Variants in ABCA13 observed in about 807,000 individuals in gnomAD.
ABCA13 encodes the protein ATP binding cassette subfamily A member 13, also known as ATP-binding cassette sub-family A member 13.
Under a neutral mutation model 478.7 loss-of-function variants are expected in ABCA13, and 476 were observed. The observed-to-expected ratio is 0.99, with a 90% CI of 0.92 to 1.07. The LOEUF is 1.07. Ranked by LOEUF, ABCA13 falls within the 50% of genes least tolerant of loss-of-function variation. The pLI, the probability that ABCA13 is intolerant of heterozygous loss-of-function variation, is 0.00. For synonymous variants in ABCA13, 2,252 were observed against 2,158.9 expected (o/e 1.04, Z -1.20); for missense variants, 6,060 against 5,910.6 (o/e 1.03, Z -0.83).
At chr7:48,396,514 AGAT>A (rs1352987092) in intron 38 of ABCA13, among the ~76,000 whole-genome samples, 1 of 152,186 alleles carries the variant, frequency 6.6e-6, no homozygotes, top group African/African-American at 2.4e-5. Context: ...TAGGACTCTC[AGAT>A]GCAAAGTGCC....
intron 47 of ABCA13, among the ~76,000 whole-genome samples, chr7:48,485,801 G>A (rs1829240737): frequency 6.6e-6 from 1 of 152,140 alleles, no homozygotes; most frequent in African/African-American, 2.4e-5. Context: ...ACTATCTGTG[G>A]GGAATTTGGG....
intron 38 of ABCA13, among the ~76,000 whole-genome samples, chr7:48,398,909 AG>A (rs1817221520): frequency 6.6e-6 from 1 of 152,176 alleles, no homozygotes; most frequent in Non-Finnish European, 1.5e-5. Flanking sequence ...CAAAGGTGGA[AG>A]ACAAGGAAGT....
chr7:48,319,641 T>C (rs1477529584), intron 27 of ABCA13, among the ~76,000 whole-genome samples: 1 of 152,184 alleles, frequency 6.6e-6, no homozygotes, highest in Non-Finnish European at 1.5e-5. Context: ...AAAAAATCTA[T>C]AAAAGTTGGT....
chr7:48,535,400 C>T (rs886434482), intron 55 of ABCA13, among the ~76,000 whole-genome samples: 4 of 152,180 alleles, frequency 2.6e-5, no homozygotes, highest in Non-Finnish European at 5.9e-5. Flanking sequence ...AGCACCTGCT[C>T]AGGTGGAGGT....
At chr7:48,321,026 C>A (rs1803370768) in intron 27 of ABCA13, among the ~76,000 whole-genome samples, 1 of 152,178 alleles carries the variant, frequency 6.6e-6, no homozygotes, top group African/African-American at 2.4e-5. Context: ...CCATTGTTGC[C>A]TCTGGGGAGT....
rs764278641 is a variant in ABCA13 at position 48,392,044 on chromosome 7, G to T, written c.11778G>T (p.Leu3926=). The change falls in exon 38 of 62, where the codon CTG becomes CTT. Residue 3926 remains leucine, a synonymous_variant. Transcript: ENST00000435803. ...GTGTGTGTCCGCAGCAGGACATCCTGTTGGACAACCTCACCGTCCGGGAAC... is the reference window on the plus strand; with the variant it reads ...GTGTGTGTCCGCAGCAGGACATCCTTTTGGACAACCTCACCGTCCGGGAAC... ...ELGVCPQQDI[L]LDNLTVREHL... 6.2e-7 allele frequency: 1 copy of T among 1,613,998 alleles called. No individual in the cohort carries two copies.
chr7:48,413,486 T>C (rs1008006626), intron 41 of ABCA13, among the ~76,000 whole-genome samples: 32 of 152,160 alleles, frequency 2.1e-4, no homozygotes, highest in African/African-American at 7.5e-4. Context: ...ATGCCTTGTT[T>C]GGGGTTCTTG....
intron 39 of ABCA13, among the ~76,000 whole-genome samples, chr7:48,409,320 C>T (rs1336293787): frequency 6.6e-6 from 1 of 152,206 alleles, no homozygotes; most frequent in East Asian, 1.9e-4. Flanking sequence ...GGCCTCTGCT[C>T]TGCTAAAGCT....
In ABCA13 at chr7:48,646,254, T is replaced by G. The variant is rs2131712252; in HGVS notation, c.*742T>G. The G allele has an allele frequency of 6.6e-6, 1 of 152,340 alleles. No individual in the cohort carries two copies. Among genetic ancestry groups the G allele is most frequent in the African/African-American group, 2.4e-5 (1 of 41,592 alleles). The allele number at this position is 152,340 out of a possible 1,614,324, so 9.4% of individuals were successfully genotyped here. ...AATAAAATGTAGATGCATTTTCTTT[T>G]TCTTCATTTGGATGAATAATTACTG... On this transcript the variant is annotated 3_prime_UTR_variant, in exon 62 of 62. Transcript: ENST00000435803.
chr7:48,407,152 A>G (rs749712785), intron 39 of ABCA13, among the ~76,000 whole-genome samples: 1 of 152,064 alleles, frequency 6.6e-6, no homozygotes, highest in Non-Finnish European at 1.5e-5. Flanking sequence ...TTCTGCATCT[A>G]TGGGTTCAAA....
In ABCA13 at chr7:48,441,807, G is replaced by A. The variant is rs974756516; in HGVS notation, c.12566-13230G>A. ...ATAGAGATGTGATTTGGATTTCTGG[G>A]CAGTGTTGAGAGCCCTGTTACTAAG... On this transcript the variant is annotated intron_variant, in intron 42 of 61. Transcript: ENST00000435803. 1.1e-4 allele frequency among the ~76,000 whole-genome samples: 17 copies of A among 152,128 alleles called. 1 individual carries two copies. The highest frequency in any genetic ancestry group is 4.2e-4 in the South Asian group (2 of 4,816).
intron 29 of ABCA13, among the ~76,000 whole-genome samples, chr7:48,339,216 A>G (rs1429186958): frequency 3.3e-5 from 5 of 152,222 alleles, no homozygotes; most frequent in African/African-American, 1.2e-4. Flanking sequence ...AGAGGAAGGC[A>G]AGACATTTTA....
intron 58 of ABCA13, among the ~76,000 whole-genome samples, chr7:48,600,811 T>G (rs867084850): frequency 6.6e-6 from 1 of 152,336 alleles, no homozygotes; most frequent in East Asian, 1.9e-4. Context: ...AAAAGACATA[T>G]CCACAGTCTT....
chr7:48,248,166 C>G, intron 13 of ABCA13, 73 bp from the exon 14 acceptor site: 1 of 1,302,740 alleles, frequency 7.7e-7, no homozygotes, highest in Non-Finnish European at 1.1e-6. Flanking sequence ...GATACAGGGT[C>G]AAGGCTGCGT....
intron 58 of ABCA13, among the ~76,000 whole-genome samples, chr7:48,599,426 T>C (rs1239987891): frequency 6.6e-6 from 1 of 152,124 alleles, no homozygotes; most frequent in African/African-American, 2.4e-5. Flanking sequence ...TATTTTTGAA[T>C]TGTAATAGTT....
intron 15 of ABCA13, among the ~76,000 whole-genome samples, chr7:48,253,901 T>C (rs909827980): frequency 2.0e-5 from 3 of 152,050 alleles, no homozygotes; most frequent in Admixed American, 6.6e-5. Flanking sequence ...CAATTTCTTT[T>C]TTTTTCTTAT....
At chr7:48,453,567 T>G (rs1419472132) in intron 42 of ABCA13, among the ~76,000 whole-genome samples, 1 of 152,204 alleles carries the variant, frequency 6.6e-6, no homozygotes, top group Non-Finnish European at 1.5e-5. Flanking sequence ...ATGTGCCACA[T>G]TCTGTTTCCT....
chr7:48,420,056 A>G lies in ABCA13; in HGVS notation c.12459+7473A>G, dbSNP rs564231950. On this transcript the variant is annotated intron_variant, in intron 41 of 61. Coordinates refer to ENST00000435803, the MANE Select transcript of ABCA13 (RefSeq NM_152701.5). The stretch of plus-strand genomic sequence containing the variant: ...TGGCGAGCATTGACTTTCCTTTCTT[A>G]TGTCTGATACACAGTTAGCATGGCT... Among the ~76,000 whole-genome samples the G allele has an allele frequency of 2.6e-5, 4 of 152,238 alleles. No individual in the cohort carries two copies. In the East Asian group the frequency reaches 5.8e-4, roughly 22 times the overall value.
chr7:48,610,275 G>T lies in ABCA13; in HGVS notation c.14745-5010G>T, dbSNP rs1016666696. Among the ~76,000 whole-genome samples, 25 of 152,324 alleles carry T rather than the reference G, an allele frequency of 1.6e-4. 1 individual carries two copies. In the East Asian group the frequency reaches 4.8e-3, roughly 29 times the overall value. ...AGCAAGCCCAAAACCCAGCAGAGTAGTCATTAAATTTTAAAGCTCCAAAAT... is the reference window on the plus strand; with the variant it reads ...AGCAAGCCCAAAACCCAGCAGAGTATTCATTAAATTTTAAAGCTCCAAAAT... On this transcript the variant is annotated intron_variant, in intron 58 of 61. Coordinates refer to ENST00000435803, the MANE Select transcript of ABCA13 (RefSeq NM_152701.5).
Sources: gnomAD v4.1 joint callset for allele counts (sites outside exome capture counted in the v4.1 genomes callset) on GRCh38, gnomAD v4.1.1 for gene constraint, MANE v1.5 for transcripts, NCBI Gene and HGNC (gene_info 2026-07-23, HGNC 2026-07-21) for gene names.